Variants in KHDC1 observed in about 807,000 individuals in gnomAD.
KHDC1 encodes the protein KH homology domain-containing protein 1.
In KHDC1, 21 loss-of-function variants were observed where a neutral mutation model predicts 24.7. The ratio of observed to expected loss-of-function variants is 0.85; its 90% CI spans 0.60 to 1.23. The LOEUF (loss-of-function observed/expected upper bound fraction) is 1.23. KHDC1 is among the 50% of genes most tolerant of loss of function. The pLI is 0.00. For synonymous variants in KHDC1, 98 were observed against 111.7 expected (o/e 0.88, Z 0.77); for missense variants, 274 against 298.5 (o/e 0.92, Z 0.61).
At chr6:73,260,723 A>G (rs2150565531) in intron 2 of KHDC1, among the ~76,000 whole-genome samples, 1 of 152,332 alleles carries the variant, frequency 6.6e-6, no homozygotes, top group African/African-American at 2.4e-5. Context: ...CTTTTCCACA[A>G]AATTGATATT....
chr6:73,295,234 C>T (rs1287982144), intron 1 of KHDC1, among the ~76,000 whole-genome samples: 4 of 152,122 alleles, frequency 2.6e-5, no homozygotes, highest in African/African-American at 9.7e-5. Flanking sequence ...TGTGCCTACT[C>T]CTCCTTCATC....
rs553367591 is a variant in KHDC1, at chr6:73,273,249, C to T, written c.206+18749G>A. Among the ~76,000 whole-genome samples the T allele has an allele frequency of 4.0e-5, 6 of 151,492 alleles. No homozygotes were observed. The South Asian group carries it at 8.4e-4, about 21-fold the overall frequency. The stretch of plus-strand genomic sequence containing the variant: ...ATGGCGTGATCTCGGCTCACTGCAA[C>T]CTTCGCCTCCTGGGTTCAAGCAATT... On this transcript the variant is annotated intron_variant, in intron 2 of 4. Transcript: ENST00000370384.
intron 2 of KHDC1, among the ~76,000 whole-genome samples, chr6:73,244,766 T>C (rs1397485765): frequency 6.6e-6 from 1 of 151,868 alleles, no homozygotes; most frequent in African/African-American, 2.4e-5. Context: ...GACTTCATCT[T>C]TACTAAAAAC....
At chr6:73,256,641 C>T (rs142756366) in intron 2 of KHDC1, among the ~76,000 whole-genome samples, 287 of 152,336 alleles carry the variant, frequency 1.9e-3, no homozygotes, top group African/African-American at 6.6e-3. Context: ...ATTTTCTTCT[C>T]AGCCAAATAT....
At chr6:73,241,867 A>T in intron 4 of KHDC1, 139 bp from the exon 4 acceptor site, 1 of 1,069,478 alleles carries the variant, frequency 9.4e-7, no homozygotes, top group Non-Finnish European at 1.3e-6. Context: ...TACACCTCCC[A>T]GCTACCTCTC....
At chr6:73,302,803 G>A (rs1024768716) in intron 1 of KHDC1, among the ~76,000 whole-genome samples, 3 of 152,178 alleles carry the variant, frequency 2.0e-5, no homozygotes, top group Admixed American at 1.3e-4. Flanking sequence ...CTGGCCGGGC[G>A]CGGTGGCTCA....
At chr6:73,269,462 C>G (rs978399861) in intron 2 of KHDC1, 3 of 152,574 alleles carry the variant, frequency 2.0e-5, no homozygotes, top group African/African-American at 7.2e-5. Flanking sequence ...AACTCCCAAC[C>G]TCACGTGATC....
chr6:73,307,962 G>A (rs939873994), intron 1 of KHDC1, among the ~76,000 whole-genome samples: 1 of 151,866 alleles, frequency 6.6e-6, no homozygotes, highest in Admixed American at 6.6e-5. Context: ...TGCAGTAATG[G>A]TGCAATCCCT....
At chr6:73,306,357 C>T (rs921849580) in intron 1 of KHDC1, among the ~76,000 whole-genome samples, 41 of 152,134 alleles carry the variant, frequency 2.7e-4, no homozygotes, top group African/African-American at 9.7e-4. Context: ...TCCCTCTTCC[C>T]CCAGCCTCTC....
At chr6:73,273,672 C>G (rs866909597) in intron 2 of KHDC1, among the ~76,000 whole-genome samples, 1 of 151,462 alleles carries the variant, frequency 6.6e-6, no homozygotes, top group Non-Finnish European at 1.5e-5. Context: ...AAAAATTAGC[C>G]GGGCGTGGTG....
intron 2 of KHDC1, 62 bp from the exon 1 acceptor site, chr6:73,263,258 C>T (rs2150570081): frequency 2.0e-6 from 2 of 986,008 alleles, no homozygotes; most frequent in Non-Finnish European, 1.2e-6. Flanking sequence ...GCCCTCCTCC[C>T]GCCTGCTCTG....
chr6:73,298,317 A>T (rs184188286), intron 1 of KHDC1, among the ~76,000 whole-genome samples: 59 of 151,486 alleles, frequency 3.9e-4, no homozygotes, highest in Non-Finnish European at 5.9e-4. Context: ...AGTTTCCCAC[A>T]TGCAGCATTT....
chr6:73,247,574 G>A (rs976029634), intron 2 of KHDC1, among the ~76,000 whole-genome samples: 10 of 152,000 alleles, frequency 6.6e-5, no homozygotes, highest in African/African-American at 2.2e-4. Context: ...TCAAGTGGAC[G>A]GCCGGGCACT....
intron 2 of KHDC1, 114 bp from the exon 2 acceptor site, chr6:73,242,644 T>G: frequency 7.8e-7 from 1 of 1,279,310 alleles, no homozygotes; most frequent in Non-Finnish European, 1.1e-6. Flanking sequence ...CCCCTTGAAC[T>G]ACCTTAGGGT....
At chr6:73,289,631 C>CA (rs1767599457) in intron 2 of KHDC1, among the ~76,000 whole-genome samples, 1 of 151,652 alleles carries the variant, frequency 6.6e-6, no homozygotes, top group African/African-American at 2.4e-5. Context: ...GCCTGGGTGA[C>CA]AGAGTAAGAC....
chr6:73,265,320 G>A (rs4708041), intron 2 of KHDC1, among the ~76,000 whole-genome samples: 41,874 of 151,638 alleles, frequency 0.28, 6,378 homozygotes, highest in African/African-American at 0.41. Context: ...GCCTGAGGTC[G>A]GGAGTTTAAG....
chr6:73,257,452 T>A (rs777393985), intron 2 of KHDC1, among the ~76,000 whole-genome samples: 3 of 152,174 alleles, frequency 2.0e-5, no homozygotes, highest in Non-Finnish European at 4.4e-5. Flanking sequence ...TTCGCCAGAC[T>A]GGAGTACACG....
chr6:73,255,009 A>G (rs1323674820), intron 2 of KHDC1, among the ~76,000 whole-genome samples: 1 of 145,566 alleles, frequency 6.9e-6, no homozygotes, highest in East Asian at 2.0e-4. Flanking sequence ...TCTCAAAAAG[A>G]AAAAAAAAAA....
intron 2 of KHDC1, among the ~76,000 whole-genome samples, chr6:73,246,078 C>T (rs1490455152): frequency 2.6e-5 from 4 of 152,118 alleles, no homozygotes; most frequent in African/African-American, 9.7e-5. Flanking sequence ...AATTTCTTGC[C>T]ATTTTTAACA....
Sources: gnomAD v4.1 joint callset for allele counts (sites outside exome capture counted in the v4.1 genomes callset) on GRCh38, gnomAD v4.1.1 for gene constraint, MANE v1.5 for transcripts, NCBI Gene and HGNC (gene_info 2026-07-23, HGNC 2026-07-21) for gene names.